SOX5: variants seen among roughly 807,000 people sequenced by gnomAD.
The protein encoded by SOX5 is SRY-box transcription factor 5.
A neutral mutation model predicts 92.0 loss-of-function variants in SOX5; 9 were observed. The observed-to-expected ratio is 0.10, with a 90% CI of 0.06 to 0.17. The LOEUF (loss-of-function observed/expected upper bound fraction) is 0.17, where lower values mean the gene tolerates loss of function less well. Ranked by LOEUF, SOX5 falls within the 10% of genes least tolerant of loss-of-function variation. The pLI, the probability that SOX5 is intolerant of heterozygous loss-of-function variation, is 1.00. For missense variants in SOX5, 642 were observed against 944.5 expected (o/e 0.68, Z 4.20); for synonymous variants, 344 against 336.3 (o/e 1.02, Z -0.25).
intron 1 of SOX5, among the ~76,000 whole-genome samples, chr12:23,936,868 C>A (rs1328453081): frequency 6.6e-6 from 1 of 150,920 alleles, no homozygotes; most frequent in East Asian, 1.9e-4. Flanking sequence ...GAACCTATGT[C>A]TTGGAAAGCC....
At chr12:24,511,927 C>T (rs962532750) in intron 1 of SOX5, among the ~76,000 whole-genome samples, 19 of 144,274 alleles carry the variant, frequency 1.3e-4, no homozygotes, top group Non-Finnish European at 1.3e-4. Context: ...CACTGCACTC[C>T]AGCCTGGGCA....
chr12:24,453,311 G>C (rs1162127639), intron 1 of SOX5, among the ~76,000 whole-genome samples: 1 of 151,982 alleles, frequency 6.6e-6, no homozygotes, highest in Non-Finnish European at 1.5e-5. Flanking sequence ...AAAAAAATCT[G>C]ATTTCTTAAG....
intron 10 of SOX5, among the ~76,000 whole-genome samples, chr12:23,568,354 T>C (rs1947523294): frequency 1.3e-5 from 2 of 152,196 alleles, no homozygotes. Context: ...AATAAATTTC[T>C]GTTTCAACCC....
chr12:24,421,826 T>C (rs941543589), intron 1 of SOX5, among the ~76,000 whole-genome samples: 5 of 152,198 alleles, frequency 3.3e-5, no homozygotes, highest in Non-Finnish European at 7.3e-5. Context: ...TCGGAATGAG[T>C]TGAAGAACAG....
intron 8 of SOX5, among the ~76,000 whole-genome samples, chr12:23,610,558 T>C (rs111855670): frequency 0.015 from 2,247 of 152,264 alleles, 58 homozygotes; most frequent in African/African-American, 0.05. Context: ...ATTATTAATA[T>C]AGATCTCTTG....
chr12:23,829,073 T>C (rs2096274781), intron 3 of SOX5, among the ~76,000 whole-genome samples: 1 of 151,968 alleles, frequency 6.6e-6, no homozygotes, highest in Admixed American at 6.6e-5. Flanking sequence ...AGCTCTCCAC[T>C]GACTCTAGTG....
Position 24,134,365 on chromosome 12 carries a change from G to C in SOX5, c.-2+78978C>G, listed in dbSNP as rs117061452. Among the ~76,000 whole-genome samples, 28 of 152,242 alleles carry C rather than the reference G, an allele frequency of 1.8e-4. 1 individual carries two copies. The East Asian group carries it at 4.8e-3, about 26-fold the overall frequency. ...GATACCATGAAAAAGCCTGCCATCA[G>C]GAATTTTCACTTAATTTTAAAGATT... On this transcript the variant is annotated intron_variant, in intron 4 of 4. Transcript: ENST00000446891.
At chr12:24,515,648 G>T (rs943068823) in intron 1 of SOX5, among the ~76,000 whole-genome samples, 2 of 152,148 alleles carry the variant, frequency 1.3e-5, no homozygotes, top group Non-Finnish European at 2.9e-5. Context: ...TAAAAACACA[G>T]ACTTTACTTA....
intron 1 of SOX5, among the ~76,000 whole-genome samples, chr12:24,506,851 C>G (rs1437494153): frequency 4.9e-5 from 6 of 123,152 alleles, no homozygotes; most frequent in East Asian, 2.8e-4. Context: ...AGTGCAGTGG[C>G]GCGATCTCGG....
At chr12:23,560,496 A>C (rs1489972680) in intron 11 of SOX5, among the ~76,000 whole-genome samples, 1 of 152,230 alleles carries the variant, frequency 6.6e-6, no homozygotes, top group African/African-American at 2.4e-5. Context: ...CAACTCAAGG[A>C]TGTAACTGAT....
intron 4 of SOX5, among the ~76,000 whole-genome samples, chr12:24,130,117 AG>A (rs1949507002): frequency 6.6e-6 from 1 of 152,204 alleles, no homozygotes; most frequent in Admixed American, 6.5e-5. Context: ...CAAGTGTGAG[AG>A]GGAACTACAG....
chr12:24,145,339 A>G (rs1370808732), intron 4 of SOX5, among the ~76,000 whole-genome samples: 1 of 152,232 alleles, frequency 6.6e-6, no homozygotes, highest in Non-Finnish European at 1.5e-5. Flanking sequence ...TCCAACCATG[A>G]CAATAACAAC....
intron 9 of SOX5, among the ~76,000 whole-genome samples, chr12:23,591,847 TTTC>T (rs1354111040): frequency 2.0e-5 from 3 of 152,184 alleles, no homozygotes. Context: ...CAGTATTTTT[TTTC>T]TTATGTTATT....
At chr12:23,958,710 T>C (rs1234596545) in intron 4 of SOX5, among the ~76,000 whole-genome samples, 1 of 119,396 alleles carries the variant, frequency 8.4e-6, no homozygotes, top group Non-Finnish European at 1.8e-5. Flanking sequence ...ATAAACAAAA[T>C]TATGTGGGGA....
At chr12:23,964,945 G>A (rs768468968) in intron 4 of SOX5, among the ~76,000 whole-genome samples, 19 of 152,214 alleles carry the variant, frequency 1.2e-4, no homozygotes, top group Non-Finnish European at 2.5e-4. Context: ...TGAAGAACCA[G>A]CCAGTAGGGG....
intron 4 of SOX5, among the ~76,000 whole-genome samples, chr12:24,073,895 CCA>C (rs1942136760): frequency 6.6e-6 from 1 of 151,898 alleles, no homozygotes; most frequent in Non-Finnish European, 1.5e-5. Context: ...AATCTTGCTC[CCA>C]GTTTTTGGCT....
chr12:23,864,572 T>C (rs894385347), intron 2 of SOX5, among the ~76,000 whole-genome samples: 1 of 152,166 alleles, frequency 6.6e-6, no homozygotes, highest in Non-Finnish European at 1.5e-5. Flanking sequence ...GCCTTATCCT[T>C]AATATAAAGT....
chr12:24,372,816 G>T (rs970261453), intron 1 of SOX5, among the ~76,000 whole-genome samples: 2 of 151,996 alleles, frequency 1.3e-5, no homozygotes, highest in East Asian at 3.9e-4. Flanking sequence ...TTTAATTGCT[G>T]CTTCTTTAAA....
intron 4 of SOX5, among the ~76,000 whole-genome samples, chr12:24,046,350 C>T (rs963673605): frequency 1.3e-5 from 2 of 151,914 alleles, no homozygotes; most frequent in African/African-American, 4.8e-5. Context: ...CCTTTTTTTT[C>T]CCTTTCCAGA....
Sources: gnomAD v4.1 joint callset for allele counts (sites outside exome capture counted in the v4.1 genomes callset) on GRCh38, gnomAD v4.1.1 for gene constraint, MANE v1.5 for transcripts, NCBI Gene and HGNC (gene_info 2026-07-23, HGNC 2026-07-21) for gene names.